The following KIF1A variants were observed in gnomAD, a reference collection of about 807,000 sequenced individuals.
KIF1A encodes the protein kinesin family member 1A.
Under a neutral mutation model 227.3 loss-of-function variants are expected in KIF1A, and 46 were observed. The ratio of observed to expected loss-of-function variants is 0.20; its 90% CI spans 0.16 to 0.26. The LOEUF (loss-of-function observed/expected upper bound fraction) is 0.26, where lower values mean the gene tolerates loss of function less well. KIF1A is among the 10% of genes least tolerant of loss of function. The pLI is 1.00. For synonymous variants in KIF1A, 1,022 were observed against 1,012.8 expected, an observed-to-expected ratio of 1.01 and a Z score of -0.17; for missense variants, 1,683 against 2,485.9, an observed-to-expected ratio of 0.68 and a Z score of 6.87.
At position 240,782,617 on chromosome 2, in the gene KIF1A, A is replaced by G; in HGVS notation, c.865-10T>C. On this transcript the variant is annotated splice_polypyrimidine_tract_variant and intron_variant, in intron 9 of 48. Coordinates refer to ENST00000498729, the MANE Select transcript of KIF1A (RefSeq NM_001244008.2). The stretch of plus-strand genomic sequence containing the variant: ...TGTTGGGTCCGGAGTCCTGAAAAGG[A>G]AAAGACAGAGAGAGGCTGAGGCCCG... 1 of 1,551,986 alleles carries G rather than the reference A, an allele frequency of 6.4e-7. No individual in the cohort carries two copies. The highest frequency in any genetic ancestry group is 8.7e-7 in the Non-Finnish European group (1 of 1,147,558).
Position 240,725,182 on chromosome 2 carries a change from GC to G in KIF1A, c.4256+88del. 1 of 1,418,190 alleles carries G rather than the reference GC, an allele frequency of 7.1e-7. No individual in the cohort carries two copies. Among genetic ancestry groups the G allele is most frequent in the Non-Finnish European group, 9.6e-7 (1 of 1,043,960 alleles). 87.9% of individuals were successfully genotyped at this position (1,418,190 alleles called of 1,614,324 possible). A position where few individuals can be genotyped will look rare whatever the true frequency, so the allele number is the denominator to read the frequency against. ...CTCGCACAGGGTGAGCTGCCGGGTG[GC>G]CCAAGGACCGCTGCCAGGCAGAGCC... On this transcript the variant is annotated intron_variant, in intron 40 of 48. Coordinates refer to ENST00000498729, the MANE Select transcript of KIF1A (RefSeq NM_001244008.2). The surrounding 1 kb of genome is among the most constrained non-coding windows in gnomAD (Gnocchi z 5.8).
chr2:240,766,218 G>A lies in KIF1A; in HGVS notation c.1685-425C>T, dbSNP rs534977745. Among the ~76,000 whole-genome samples the A allele has an allele frequency of 6.6e-6, 1 of 152,368 alleles. No individual in the cohort carries two copies. The highest frequency in any genetic ancestry group is 2.4e-5 in the African/African-American group (1 of 41,596). The stretch of plus-strand genomic sequence containing the variant: ...CCACTTAGGGCCATCACCCTGAGGT[G>A]GCCAAGTTGGACAGTGGGTGTCAGT... On this transcript the variant is annotated intron_variant, in intron 19 of 48. Transcript: ENST00000498729. This position sits in a 1 kb window ranked among gnomAD's most constrained non-coding sequence, Gnocchi z 5.0.
At position 240,722,584 on chromosome 2, in the gene KIF1A, G is replaced by A; in HGVS notation, c.4537C>T (p.Leu1513=). Residue 1513 remains leucine, a synonymous_variant, in exon 43 of 49, where the codon CTG becomes TTG. Coordinates refer to ENST00000498729, the MANE Select transcript of KIF1A (RefSeq NM_001244008.2). Reference sequence around the variant, plus strand: ...GAGTCCTCGCTGAAGGCCGGGGACAGTGCCTCCGGGACAGGCCGCTGGGCG... The same window carrying A: ...GAGTCCTCGCTGAAGGCCGGGGACAATGCCTCCGGGACAGGCCGCTGGGCG... ...ETAQRPVPEA[L]SPAFSEDSES... 6.4e-7 allele frequency: 1 copy of A among 1,562,736 alleles called. No homozygotes were observed. The highest frequency in any genetic ancestry group is 2.4e-5 in the East Asian group (1 of 42,234).
At chr2:240,728,083 C>T (rs1354106052) in intron 38 of KIF1A, among the ~76,000 whole-genome samples, 1 of 152,244 alleles carries the variant, frequency 6.6e-6, no homozygotes, top group Non-Finnish European at 1.5e-5. Context: ...GCCACGCAGG[C>T]TCCAAGGCGG....
At chr2:240,780,523 G>A (rs1162982981) in intron 10 of KIF1A, among the ~76,000 whole-genome samples, 2 of 151,796 alleles carry the variant, frequency 1.3e-5, no homozygotes, top group South Asian at 2.1e-4. Context: ...ATACTTTCCC[G>A]TAGCTGCACA....
At chr2:240,731,139 G>C (rs1479636873) in intron 38 of KIF1A, among the ~76,000 whole-genome samples, 1 of 152,246 alleles carries the variant, frequency 6.6e-6, no homozygotes, top group Non-Finnish European at 1.5e-5. Flanking sequence ...AGATTTTACA[G>C]CTAGGCTAGT....
rs1269057882 is a variant in KIF1A at position 240,717,498 on chromosome 2, G to A, written c.5334-92C>T. On this transcript the variant is annotated intron_variant, in intron 48 of 48. Transcript: ENST00000498729. ...CCTGCACAGGCAGGCAGCCGTGAGG[G>A]GCAGCCACAGACCCCATGTCCCCGC... The A allele has an allele frequency of 4.4e-6, 5 of 1,142,854 alleles. No homozygotes were observed. The South Asian group carries it at 5.2e-5, about 12-fold the overall frequency. The allele number at this position is 1,142,854 out of a possible 1,614,324, so 70.8% of individuals were successfully genotyped here.
chr2:240,746,207 A>G (rs2048578948), intron 29 of KIF1A, 30 bp from the exon 30 acceptor site: 2 of 1,548,288 alleles, frequency 1.3e-6, no homozygotes, highest in Admixed American at 2.0e-5. Flanking sequence ...AGTCAGAGAG[A>G]GCCAGGAGCC....
At chr2:240,762,951 C>T (rs2050709292) in intron 22 of KIF1A, 68 bp downstream of exon 22, 7 of 1,006,556 alleles carry the variant, frequency 7.0e-6, no homozygotes, top group Non-Finnish European at 9.0e-6. Flanking sequence ...GGAGTGGGGG[C>T]GTGGGAGGAC....
At chr2:240,727,595 G>A (rs961244327) in intron 38 of KIF1A, among the ~76,000 whole-genome samples, 3 of 152,228 alleles carry the variant, frequency 2.0e-5, no homozygotes, top group Non-Finnish European at 4.4e-5. Flanking sequence ...GCAAGGCCGT[G>A]TGCAAAAGCG....
At chr2:240,761,472 A>AT (rs2050522944) in intron 23 of KIF1A, 95 bp from the exon 24 acceptor site, 1 of 1,236,206 alleles carries the variant, frequency 8.1e-7, no homozygotes. Context: ...CGGCCACTCC[A>AT]TGGGGCTGCC....
rs2052415708 is a variant in KIF1A, at chr2:240,774,166, C to G, written c.1037+17G>C. The G allele has an allele frequency of 6.5e-7, 1 of 1,535,780 alleles. No individual in the cohort carries two copies. The highest frequency in any genetic ancestry group is 1.4e-5 in the African/African-American group (1 of 73,052). The stretch of plus-strand genomic sequence containing the variant: ...CCAGGGAGCGGGAAGCAGAGCTTGT[C>G]TCCCTGGAGAACTCACCTCAGCGTG... On this transcript the variant is annotated intron_variant, in intron 12 of 48. Transcript: ENST00000498729.
rs1187764562 is a variant in KIF1A at position 240,807,128 on chromosome 2, G to GTATATA, written c.-60-9317_-60-9316insTATATA. Among the ~76,000 whole-genome samples the GTATATA allele has an allele frequency of 1.3e-4, 12 of 91,048 alleles. No individual in the cohort carries two copies. In the Middle Eastern group the frequency reaches 0.027, roughly 206 times the overall value. 59.7% of individuals were successfully genotyped at this position (91,048 alleles called of 152,430 possible). A position where few individuals can be genotyped will look rare whatever the true frequency, so the allele number is the denominator to read the frequency against. On this transcript the variant is annotated intron_variant, in intron 1 of 48. Transcript: ENST00000498729. Reference sequence around the variant, plus strand: ...TGTGTGTGTGTGTGTGTGTGTGTGTGTGTATATATATATATATATATATAC... The same window carrying GTATATA: ...TGTGTGTGTGTGTGTGTGTGTGTGTGTATATATGTATATATATATATATATATATAC...
chr2:240,810,010 C>T (rs762780518), intron 1 of KIF1A, among the ~76,000 whole-genome samples: 6 of 151,852 alleles, frequency 4.0e-5, no homozygotes, highest in South Asian at 2.1e-4. Flanking sequence ...GATAGGGTTT[C>T]GCCACATTGG....
chr2:240,720,697 G>T, intron 45 of KIF1A: 1 of 440,366 alleles, frequency 2.3e-6, no homozygotes. Context: ...TCAGGGAAGA[G>T]AACACACACA....
Position 240,789,186 on chromosome 2 carries a change from G to A in KIF1A, c.183+50C>T, listed in dbSNP as rs773862513. 13 of 1,447,908 alleles carry A rather than the reference G, an allele frequency of 9.0e-6. No homozygotes were observed. Among genetic ancestry groups the A allele is most frequent in the Non-Finnish European group, 1.1e-5 (11 of 1,029,420 alleles). The allele number at this position is 1,447,908 out of a possible 1,614,324, so 89.7% of individuals were successfully genotyped here. Reference sequence around the variant, plus strand: ...AGTTGAGGGACCCCGAGGGCCACATGGCCTATGCACTGCTGCCCCCGCCTC... The same window carrying A: ...AGTTGAGGGACCCCGAGGGCCACATAGCCTATGCACTGCTGCCCCCGCCTC... On this transcript the variant is annotated intron_variant, in intron 3 of 48. Coordinates refer to ENST00000498729, the MANE Select transcript of KIF1A (RefSeq NM_001244008.2). The surrounding 1 kb of genome is among the most constrained non-coding windows in gnomAD (Gnocchi z 4.8).
Position 240,737,052 on chromosome 2 carries a change from C to A in KIF1A, c.4007+11G>T. ...GCCCTGGGCCCTGTCTCCAGGGAGT[C>A]TCCGACTCACCGGTCATCTTGGGCT... On this transcript the variant is annotated intron_variant, in intron 38 of 48. Coordinates refer to ENST00000498729, the MANE Select transcript of KIF1A (RefSeq NM_001244008.2). 1.2e-6 allele frequency: 2 copies of A among 1,605,692 alleles called. No individual in the cohort carries two copies. The highest frequency in any genetic ancestry group is 1.3e-5 in the African/African-American group (1 of 74,868).
intron 38 of KIF1A, among the ~76,000 whole-genome samples, chr2:240,731,218 A>C (rs187023043): frequency 9.4e-4 from 143 of 152,188 alleles, no homozygotes; most frequent in African/African-American, 3.3e-3. Context: ...TTCAAAGCCC[A>C]CCAAGGACTT....
At chr2:240,799,873 A>G (rs2056803950) in intron 1 of KIF1A, among the ~76,000 whole-genome samples, 1 of 152,226 alleles carries the variant, frequency 6.6e-6, no homozygotes, top group Admixed American at 6.5e-5. Flanking sequence ...ATTCCATTCA[A>G]CAGTGCAAAA....
Sources: gnomAD v4.1 joint callset for allele counts (sites outside exome capture counted in the v4.1 genomes callset) on GRCh38, gnomAD v4.1.1 for gene constraint, Gnocchi (gnomAD v3.1) non-coding constraint, MANE v1.5 for transcripts, NCBI Gene and HGNC (gene_info 2026-07-23, HGNC 2026-07-21) for gene names.